DCLK1: variants seen among roughly 807,000 people sequenced by gnomAD.
The protein encoded by DCLK1 is serine/threonine-protein kinase DCLK1.
Under a neutral mutation model 86.2 loss-of-function variants are expected in DCLK1, and 16 were observed. The observed-to-expected ratio is 0.19, with a 90% CI of 0.13 to 0.28. DCLK1 has a LOEUF of 0.28. Among genes scored for constraint, DCLK1 ranks in the 10% least tolerant of loss-of-function variants. DCLK1 has a pLI of 1.00. For missense variants in DCLK1, 590 were observed against 940.2 expected (o/e 0.63, Z 4.87); for synonymous variants, 369 against 370.5 (o/e 1.00, Z 0.05).
intron 12 of DCLK1, among the ~76,000 whole-genome samples, chr13:35,810,493 C>T (rs1052623719): frequency 7.2e-5 from 11 of 152,222 alleles, no homozygotes; most frequent in Non-Finnish European, 1.3e-4. Context: ...CCGCACACGG[C>T]AGTGTCTGTT....
chr13:35,805,897 A>T (rs2087017363), intron 14 of DCLK1, 118 bp from the exon 15 acceptor site: 5 of 812,100 alleles, frequency 6.2e-6, no homozygotes, highest in Non-Finnish European at 9.2e-6. Flanking sequence ...CTAAATCTTA[A>T]ATACATCAAC....
intron 16 of DCLK1, among the ~76,000 whole-genome samples, chr13:35,778,745 G>A (rs2086470461): frequency 6.6e-6 from 1 of 152,218 alleles, no homozygotes; most frequent in Non-Finnish European, 1.5e-5. Flanking sequence ...AGGGTTGGAG[G>A]ATGTCAAGAA....
intron 4 of DCLK1, among the ~76,000 whole-genome samples, chr13:35,936,970 T>TTTTTTTTTTTTTTTTTTG (rs1876793826): frequency 7.6e-6 from 1 of 130,850 alleles, no homozygotes; most frequent in South Asian, 2.7e-4. Flanking sequence ...AGCTTTTTTT[T>TTTTTTTTTTTTTTTTTTG]TTTTTTTTTT....
intron 4 of DCLK1, among the ~76,000 whole-genome samples, chr13:35,920,758 G>A (rs1010161662): frequency 2.6e-5 from 4 of 152,096 alleles, no homozygotes; most frequent in African/African-American, 9.7e-5. Flanking sequence ...AGGGACACCT[G>A]CTCTGGGGTC....
intron 3 of DCLK1, among the ~76,000 whole-genome samples, chr13:36,045,332 G>GTATA (rs1174545505): frequency 0.012 from 645 of 55,564 alleles, 12 homozygotes; most frequent in Non-Finnish European, 0.013. Context: ...GTGTGTGTGT[G>GTATA]TATATATATA....
At chr13:35,821,672 GTATATA>G (rs34181385) in intron 11 of DCLK1, among the ~76,000 whole-genome samples, 1 of 144,686 alleles carries the variant, frequency 6.9e-6, no homozygotes, top group Admixed American at 7.0e-5. Flanking sequence ...ATAAATATAT[GTATATA>G]TATATATATA....
At chr13:35,793,925 T>A (rs2086755401) in intron 15 of DCLK1, among the ~76,000 whole-genome samples, 1 of 152,242 alleles carries the variant, frequency 6.6e-6, no homozygotes, top group African/African-American at 2.4e-5. Flanking sequence ...GGCTTCTGCA[T>A]GGCCCATAAA....
chr13:35,946,924 T>G (rs562374244), intron 4 of DCLK1, among the ~76,000 whole-genome samples: 1 of 152,090 alleles, frequency 6.6e-6, no homozygotes, highest in Non-Finnish European at 1.5e-5. Flanking sequence ...TTCTACAGTA[T>G]TTAAAGGAAA....
intron 3 of DCLK1, among the ~76,000 whole-genome samples, chr13:36,040,686 A>C (rs1248597925): frequency 1.3e-5 from 2 of 152,006 alleles, no homozygotes; most frequent in East Asian, 2.0e-4. Flanking sequence ...GTTATGTTCC[A>C]CTTCCTTCAG....
chr13:35,875,843 T>C (rs1872559041), intron 4 of DCLK1, among the ~76,000 whole-genome samples: 1 of 152,182 alleles, frequency 6.6e-6, no homozygotes, highest in African/African-American at 2.4e-5. Context: ...CTCTTGGTAT[T>C]CACTGAACTA....
At chr13:36,071,890 C>A (rs187410163) in intron 3 of DCLK1, among the ~76,000 whole-genome samples, 170 of 152,248 alleles carry the variant, frequency 1.1e-3, no homozygotes, top group Non-Finnish European at 2.1e-3. Flanking sequence ...GTTGTAAAAG[C>A]TGAGAGCTTG....
At chr13:35,934,432 G>A (rs547034516) in intron 4 of DCLK1, among the ~76,000 whole-genome samples, 3 of 152,314 alleles carry the variant, frequency 2.0e-5, no homozygotes, top group Non-Finnish European at 2.9e-5. Flanking sequence ...GTTCCACATC[G>A]CTGGGGAAGC....
At chr13:35,989,809 C>T (rs1167766990) in intron 3 of DCLK1, among the ~76,000 whole-genome samples, 1 of 151,716 alleles carries the variant, frequency 6.6e-6, no homozygotes, top group Admixed American at 6.6e-5. Flanking sequence ...GCTTCAGCCT[C>T]CTGAATTGCT....
At chr13:36,088,783 A>G (rs538578179) in intron 3 of DCLK1, among the ~76,000 whole-genome samples, 1 of 152,284 alleles carries the variant, frequency 6.6e-6, no homozygotes, top group South Asian at 2.1e-4. Flanking sequence ...ACTTTATTCT[A>G]CTGCAAATAG....
intron 11 of DCLK1, among the ~76,000 whole-genome samples, chr13:35,813,737 T>TA (rs903589871): frequency 1.3e-5 from 2 of 150,392 alleles, no homozygotes; most frequent in Non-Finnish European, 3.0e-5. Flanking sequence ...CCGCTTTTTT[T>TA]TTTTTTTTTT....
chr13:35,973,756 C>T (rs1379551546), intron 3 of DCLK1, among the ~76,000 whole-genome samples: 1 of 152,146 alleles, frequency 6.6e-6, no homozygotes. Flanking sequence ...GAACGGGGAA[C>T]CTGATCCTGC....
At chr13:36,066,125 G>GT (rs1156294774) in intron 3 of DCLK1, among the ~76,000 whole-genome samples, 1 of 152,230 alleles carries the variant, frequency 6.6e-6, no homozygotes, top group Admixed American at 6.5e-5. Context: ...AATATACTTA[G>GT]TGTCATTTGC....
At chr13:35,832,489 G>A (rs763257084) in intron 8 of DCLK1, among the ~76,000 whole-genome samples, 6 of 152,058 alleles carry the variant, frequency 3.9e-5, no homozygotes, top group Non-Finnish European at 8.8e-5. Flanking sequence ...CTTGTTTGTG[G>A]GTAAAGTTCT....
rs553493320 is a variant in DCLK1, at chr13:36,102,372, T to C, written c.723+9497A>G. ...TGTAGGGGCACTCCTAGCCCTGTAA[T>C]CTACTTGTTAAAGGATGAGCCAAAA... On this transcript the variant is annotated intron_variant, in intron 3 of 16. Transcript: ENST00000360631. Among the ~76,000 whole-genome samples, 8 of 152,300 alleles carry C rather than the reference T, an allele frequency of 5.3e-5. No homozygotes were observed. In the South Asian group the frequency reaches 1.5e-3, roughly 28 times the overall value.
Sources: allele counts gnomAD v4.1 joint callset (sites outside exome capture counted in the v4.1 genomes callset), GRCh38; gene constraint gnomAD v4.1.1; transcripts MANE v1.5; gene names NCBI Gene and HGNC (gene_info 2026-07-23, HGNC 2026-07-21).